TMEM117: variants seen among roughly 807,000 people sequenced by gnomAD.
The protein encoded by TMEM117 is transmembrane protein 117.
Under a neutral mutation model 52.4 loss-of-function variants are expected in TMEM117, and 27 were observed. The ratio of observed to expected loss-of-function variants is 0.51; its 90% CI spans 0.38 to 0.71. The LOEUF is 0.71. TMEM117 is among the 30% of genes least tolerant of loss of function. TMEM117 has a pLI of 0.00. For synonymous variants in TMEM117, 215 were observed against 206.3 expected, an observed-to-expected ratio of 1.04 and a Z score of -0.36; for missense variants, 556 against 630.5, an observed-to-expected ratio of 0.88 and a Z score of 1.26.
intron 3 of TMEM117, among the ~76,000 whole-genome samples, chr12:44,114,858 A>G (rs193159365): frequency 3.9e-4 from 60 of 152,342 alleles, no homozygotes; most frequent in African/African-American, 1.3e-3. Context: ...CATTTCCTGT[A>G]TGTGGACTCT....
chr12:44,354,616 C>G lies in TMEM117; in HGVS notation c.769-21979C>G, dbSNP rs145868797. On this transcript the variant is annotated intron_variant, in intron 6 of 7. Transcript: ENST00000266534. ...AGAAAAGGCCTTTGACAAAATTCAA[C>G]AACCCTTCATGCTAAAAACTCTCAA... Among the ~76,000 whole-genome samples the G allele has an allele frequency of 6.8e-3, 1,040 of 151,880 alleles. 9 individuals carry two copies. The highest frequency in any genetic ancestry group is 0.024 in the African/African-American group (991 of 41,422).
At chr12:44,178,050 A>T (rs984710515) in intron 4 of TMEM117, among the ~76,000 whole-genome samples, 1 of 152,152 alleles carries the variant, frequency 6.6e-6, no homozygotes, top group African/African-American at 2.4e-5. Flanking sequence ...TTTTCAGGAC[A>T]AGCATCTACA....
chr12:44,345,189 AG>A (rs1354511111), intron 6 of TMEM117, among the ~76,000 whole-genome samples: 1 of 152,188 alleles, frequency 6.6e-6, no homozygotes, highest in East Asian at 1.9e-4. Flanking sequence ...CATCCATGCC[AG>A]TGGGACTCAC....
chr12:44,215,723 T>A (rs1949706146), intron 5 of TMEM117, among the ~76,000 whole-genome samples: 2 of 118,810 alleles, frequency 1.7e-5, no homozygotes, highest in Middle Eastern at 5.3e-3. Flanking sequence ...AAGCCTTAGC[T>A]TTTTTTAAAA....
chr12:44,033,013 A>G (rs1946657349), intron 3 of TMEM117, among the ~76,000 whole-genome samples: 1 of 152,178 alleles, frequency 6.6e-6, no homozygotes, highest in Admixed American at 6.5e-5. Flanking sequence ...ATGGCATTCT[A>G]AGTCACAGGA....
At chr12:44,368,384 G>T (rs1394140595) in intron 6 of TMEM117, among the ~76,000 whole-genome samples, 2 of 152,034 alleles carry the variant, frequency 1.3e-5, no homozygotes, top group Admixed American at 6.6e-5. Flanking sequence ...TGAAACCATT[G>T]TGAAGAACTC....
At chr12:44,068,834 A>G (rs1020151760) in intron 3 of TMEM117, among the ~76,000 whole-genome samples, 2 of 152,234 alleles carry the variant, frequency 1.3e-5, no homozygotes, top group African/African-American at 4.8e-5. Context: ...CAAACCTTCA[A>G]TTTGTGAAAA....
chr12:44,252,386 C>G (rs991131771), intron 5 of TMEM117, among the ~76,000 whole-genome samples: 2 of 152,070 alleles, frequency 1.3e-5, no homozygotes, highest in Non-Finnish European at 2.9e-5. Context: ...CACTTGTTAT[C>G]CCTGCTGCTT....
intron 4 of TMEM117, among the ~76,000 whole-genome samples, chr12:44,192,854 C>T (rs1201050859): frequency 6.6e-6 from 1 of 152,108 alleles, no homozygotes; most frequent in Non-Finnish European, 1.5e-5. Flanking sequence ...AAATTGGGAA[C>T]ATAGTAATGC....
intron 2 of TMEM117, among the ~76,000 whole-genome samples, chr12:43,921,560 A>G (rs904439783): frequency 6.6e-6 from 1 of 152,176 alleles, no homozygotes; most frequent in African/African-American, 2.4e-5. Context: ...TATGTGAAAG[A>G]CCTTTGCAAA....
At chr12:43,928,967 G>C (rs1284220262) in intron 2 of TMEM117, among the ~76,000 whole-genome samples, 1 of 151,538 alleles carries the variant, frequency 6.6e-6, no homozygotes, top group Admixed American at 6.6e-5. Context: ...GTGTATATGT[G>C]CCACATTTTC....
intron 4 of TMEM117, among the ~76,000 whole-genome samples, chr12:44,182,382 C>T (rs1035712083): frequency 6.6e-6 from 1 of 152,132 alleles, no homozygotes; most frequent in Non-Finnish European, 1.5e-5. Context: ...CCAGAACTTC[C>T]AACACTATGT....
At chr12:44,255,363 C>CA (rs1403780624) in intron 5 of TMEM117, among the ~76,000 whole-genome samples, 10 of 151,736 alleles carry the variant, frequency 6.6e-5, no homozygotes, top group Non-Finnish European at 1.5e-5. Flanking sequence ...TTTATGCAGC[C>CA]AAAAAACACA....
chr12:44,361,636 TGA>T (rs765284879), intron 6 of TMEM117, among the ~76,000 whole-genome samples: 4 of 152,174 alleles, frequency 2.6e-5, no homozygotes, highest in Non-Finnish European at 5.9e-5. Context: ...TGCTAAGGAC[TGA>T]GAGAGACATA....
At chr12:43,872,714 G>A (rs1245945462) in intron 2 of TMEM117, among the ~76,000 whole-genome samples, 5 of 152,158 alleles carry the variant, frequency 3.3e-5, no homozygotes, top group Admixed American at 3.3e-4. Flanking sequence ...TAAGATAATA[G>A]TGTGCTTTCC....
At chr12:43,942,775 T>TGA (rs1292385378) in intron 2 of TMEM117, among the ~76,000 whole-genome samples, 2 of 152,158 alleles carry the variant, frequency 1.3e-5, no homozygotes, top group Non-Finnish European at 2.9e-5. Flanking sequence ...CTATGCTCAG[T>TGA]GAGATATATG....
intron 5 of TMEM117, among the ~76,000 whole-genome samples, chr12:44,266,253 G>T (rs1950376042): frequency 6.6e-6 from 1 of 152,106 alleles, no homozygotes; most frequent in Admixed American, 6.5e-5. Flanking sequence ...TACCAGCAAT[G>T]AATGATGGTT....
intron 2 of TMEM117, among the ~76,000 whole-genome samples, chr12:43,914,129 T>C (rs1944560775): frequency 6.6e-6 from 1 of 152,094 alleles, no homozygotes; most frequent in African/African-American, 2.4e-5. Context: ...ACCGTGATGC[T>C]ATAACCCCAT....
intron 3 of TMEM117, among the ~76,000 whole-genome samples, chr12:43,989,205 A>T (rs1157293362): frequency 6.6e-6 from 1 of 152,134 alleles, no homozygotes; most frequent in African/African-American, 2.4e-5. Context: ...TTACAAATAG[A>T]TAAAACTTTA....
Sources: gnomAD v4.1 joint callset for allele counts (sites outside exome capture counted in the v4.1 genomes callset) on GRCh38, gnomAD v4.1.1 for gene constraint, MANE v1.5 for transcripts, NCBI Gene and HGNC (gene_info 2026-07-23, HGNC 2026-07-21) for gene names.